Variants in RANBP9 observed in about 807,000 individuals in gnomAD.
RANBP9 encodes the protein ran-binding protein 9.
In RANBP9, 15 loss-of-function variants were observed where a neutral mutation model predicts 84.3. That is an observed-to-expected ratio of 0.18 (90% CI 0.12 to 0.27). RANBP9 has a LOEUF of 0.27. RANBP9 is among the 10% of genes least tolerant of loss of function. RANBP9 has a pLI of 1.00. For synonymous variants in RANBP9, 392 were observed against 349.6 expected (o/e 1.12, Z -1.35); for missense variants, 809 against 912.8 (o/e 0.89, Z 1.46).
chr6:13,626,187 C>T (rs989776895), intron 12 of RANBP9, among the ~76,000 whole-genome samples: 2 of 152,204 alleles, frequency 1.3e-5, no homozygotes, highest in Non-Finnish European at 1.5e-5. Context: ...CTGGACACAT[C>T]TCACTGGGAT....
intron 2 of RANBP9, among the ~76,000 whole-genome samples, chr6:13,662,943 GA>G (rs1180317568): frequency 6.6e-6 from 1 of 152,032 alleles, no homozygotes; most frequent in African/African-American, 2.4e-5. Context: ...GGTATGGGGG[GA>G]AAGAGTCCTT....
At chr6:13,699,318 C>A (rs1255525591) in intron 1 of RANBP9, among the ~76,000 whole-genome samples, 1 of 151,966 alleles carries the variant, frequency 6.6e-6, no homozygotes, top group East Asian at 1.9e-4. Flanking sequence ...AATATTAAAA[C>A]TAAAAAGATT....
At chr6:13,698,631 T>A (rs184108320) in intron 1 of RANBP9, among the ~76,000 whole-genome samples, 1 of 152,332 alleles carries the variant, frequency 6.6e-6, no homozygotes, top group African/African-American at 2.4e-5. Flanking sequence ...CAAAGTATTC[T>A]TAATAACAAA....
At chr6:13,626,855 A>G (rs560231015) in intron 12 of RANBP9, among the ~76,000 whole-genome samples, 1 of 152,314 alleles carries the variant, frequency 6.6e-6, no homozygotes, top group African/African-American at 2.4e-5. Context: ...ATGAAAGCAG[A>G]GGTGGGGGAA....
At chr6:13,695,492 A>C (rs1463275432) in intron 2 of RANBP9, among the ~76,000 whole-genome samples, 1 of 142,626 alleles carries the variant, frequency 7.0e-6, no homozygotes, top group Admixed American at 7.4e-5. Context: ...ACATTTGGTT[A>C]GACACATTGT....
chr6:13,657,631 C>T (rs772833993), intron 3 of RANBP9, among the ~76,000 whole-genome samples: 19 of 152,112 alleles, frequency 1.2e-4, no homozygotes, highest in Admixed American at 2.0e-4. Flanking sequence ...AACACATACA[C>T]GTTTTATATA....
intron 13 of RANBP9, among the ~76,000 whole-genome samples, chr6:13,622,729 T>A (rs1764486042): frequency 6.6e-6 from 1 of 152,228 alleles, no homozygotes; most frequent in African/African-American, 2.4e-5. Flanking sequence ...AATCAGACTT[T>A]TAAAGTATCA....
intron 2 of RANBP9, among the ~76,000 whole-genome samples, chr6:13,671,490 CAACCTTTAAAACATT>C (rs1351477274): frequency 4.6e-5 from 7 of 152,090 alleles, no homozygotes; most frequent in East Asian, 1.9e-4. Context: ...CAGCATAAAT[CAACCTTTAAAACATT>C]AACCTTTAAA....
At chr6:13,663,322 A>G (rs980926127) in intron 2 of RANBP9, among the ~76,000 whole-genome samples, 1 of 152,132 alleles carries the variant, frequency 6.6e-6, no homozygotes, top group Admixed American at 6.5e-5. Flanking sequence ...ACAAAATGTT[A>G]TTTTCAAGAG....
intron 1 of RANBP9, among the ~76,000 whole-genome samples, chr6:13,708,708 TATG>T (rs1044731820): frequency 7.9e-5 from 12 of 152,116 alleles, no homozygotes; most frequent in South Asian, 4.1e-4. Flanking sequence ...ATCTACTCTC[TATG>T]ATACTTCTCC....
intron 12 of RANBP9, among the ~76,000 whole-genome samples, chr6:13,630,390 AAC>A (rs1764743899): frequency 6.6e-6 from 1 of 152,232 alleles, no homozygotes; most frequent in Non-Finnish European, 1.5e-5. Flanking sequence ...ATAAGAATCA[AAC>A]ACAAAGTAAG....
At chr6:13,703,548 C>T (rs1427392185) in intron 1 of RANBP9, among the ~76,000 whole-genome samples, 1 of 152,198 alleles carries the variant, frequency 6.6e-6, no homozygotes, top group African/African-American at 2.4e-5. Flanking sequence ...GCTGATTCAA[C>T]ACAGGTTAGC....
chr6:13,658,415 C>T (rs1765459717), intron 3 of RANBP9, among the ~76,000 whole-genome samples: 1 of 152,094 alleles, frequency 6.6e-6, no homozygotes, highest in African/African-American at 2.4e-5. Context: ...TCGAGACCAG[C>T]CTGGCCAAAA....
chr6:13,695,249 C>A (rs2113354831), intron 2 of RANBP9, among the ~76,000 whole-genome samples: 1 of 152,164 alleles, frequency 6.6e-6, no homozygotes, highest in East Asian at 1.9e-4. Flanking sequence ...GCAAAACAGG[C>A]AGCAACTGGA....
intron 2 of RANBP9, among the ~76,000 whole-genome samples, chr6:13,668,855 T>C (rs1171904733): frequency 1.3e-5 from 2 of 152,154 alleles, no homozygotes; most frequent in Non-Finnish European, 2.9e-5. Flanking sequence ...TCACCACTTC[T>C]ATTCAACATA....
chr6:13,687,806 G>C (rs1265643827), intron 2 of RANBP9, among the ~76,000 whole-genome samples: 1 of 152,126 alleles, frequency 6.6e-6, no homozygotes, highest in Non-Finnish European at 1.5e-5. Flanking sequence ...ATTACCCTCA[G>C]ATAACCCACC....
chr6:13,658,495 G>A (rs1300787687), intron 3 of RANBP9, among the ~76,000 whole-genome samples: 1 of 152,144 alleles, frequency 6.6e-6, no homozygotes, highest in Non-Finnish European at 1.5e-5. Flanking sequence ...TGTGATCCCA[G>A]CTACTTGGGA....
chr6:13,638,391 T>C (rs183275584), intron 9 of RANBP9, among the ~76,000 whole-genome samples: 149 of 151,996 alleles, frequency 9.8e-4, no homozygotes, highest in African/African-American at 3.3e-3. Context: ...AGAGAATAAA[T>C]TGAAATAAGA....
In RANBP9 at chr6:13,696,777, T is replaced by G. The variant is rs1321434629; in HGVS notation, c.683+8A>C. ...AGCAAACGATTTTTCTCACCAAAAT[T>G]TACTTACCCATCTCTTCCCTTACTG... is the stretch of plus-strand genomic sequence containing the variant. On this transcript the variant is annotated splice_region_variant and intron_variant, in intron 2 of 13. Coordinates refer to ENST00000011619, the MANE Select transcript of RANBP9 (RefSeq NM_005493.3). 1.3e-6 allele frequency: 2 copies of G among 1,587,854 alleles called. No individual in the cohort carries two copies. The highest frequency in any genetic ancestry group is 1.7e-6 in the Non-Finnish European group (2 of 1,162,216).
Sources: allele counts gnomAD v4.1 joint callset (sites outside exome capture counted in the v4.1 genomes callset), GRCh38; gene constraint gnomAD v4.1.1; transcripts MANE v1.5; gene names NCBI Gene and HGNC (gene_info 2026-07-23, HGNC 2026-07-21).